COLEC10: variants seen among roughly 807,000 people sequenced by gnomAD.
COLEC10 encodes the protein collectin subfamily member 10, also known as collectin-10.
A neutral mutation model predicts 28.4 loss-of-function variants in COLEC10; 22 were observed. The observed-to-expected ratio is 0.78, with a 90% CI of 0.55 to 1.11. The LOEUF (loss-of-function observed/expected upper bound fraction) is 1.11. COLEC10 is among the 50% of genes least tolerant of loss of function. COLEC10 has a pLI of 0.00. For missense variants in COLEC10, 361 were observed against 344.1 expected (o/e 1.05, Z -0.39); for synonymous variants, 125 against 116.1 (o/e 1.08, Z -0.49).
upstream of COLEC10, among the ~76,000 whole-genome samples, chr8:119,066,379 C>T (rs561042914): frequency 5.6e-4 from 86 of 152,274 alleles, no homozygotes; most frequent in African/African-American, 2.0e-3. Context: ...TGTATCTGAT[C>T]TACATACTCT....
chr8:118,970,388 C>T, the COLEC10 span, among the ~76,000 whole-genome samples: 1 of 151,930 alleles, frequency 6.6e-6, no homozygotes, highest in Admixed American at 6.6e-5. Flanking sequence ...TCTGTCTCTC[C>T]CTTTCTGACT....
At chr8:119,040,147 T>C (rs569993114) in intron 2 of COLEC10, among the ~76,000 whole-genome samples, 59 of 152,338 alleles carry the variant, frequency 3.9e-4, no homozygotes, top group Non-Finnish European at 6.2e-4. Flanking sequence ...TATTAAATTA[T>C]TAAACAGATG....
chr8:118,992,957 A>G (rs941243127), upstream of COLEC10, among the ~76,000 whole-genome samples: 2 of 152,224 alleles, frequency 1.3e-5, no homozygotes, highest in Non-Finnish European at 2.9e-5. Context: ...GCACAAGGTA[A>G]GGAATATCTT....
At chr8:118,996,467 C>T (rs1432679495) in intron 1 of COLEC10, among the ~76,000 whole-genome samples, 1 of 152,188 alleles carries the variant, frequency 6.6e-6, no homozygotes, top group Non-Finnish European at 1.5e-5. Context: ...CATCATTTTA[C>T]ATTCTCACCA....
intron 1 of COLEC10, among the ~76,000 whole-genome samples, chr8:119,000,281 GA>G (rs1215012348): frequency 6.6e-6 from 1 of 152,146 alleles, no homozygotes; most frequent in African/African-American, 2.4e-5. Context: ...TCGGACATCA[GA>G]AAAAGGTGGT....
At chr8:119,041,151 C>T (rs921766381) in intron 2 of COLEC10, among the ~76,000 whole-genome samples, 7 of 152,136 alleles carry the variant, frequency 4.6e-5, no homozygotes, top group Admixed American at 3.9e-4. Flanking sequence ...TGACCTAAAA[C>T]GTGGTGGAGC....
intron 2 of COLEC10, among the ~76,000 whole-genome samples, chr8:119,033,393 A>G (rs1447787914): frequency 2.6e-5 from 4 of 152,236 alleles, no homozygotes; most frequent in Admixed American, 2.0e-4. Context: ...CAAAATTGAC[A>G]AATGGGATCT....
At chr8:119,075,073 G>A (rs926379721) in intron 1 of COLEC10, among the ~76,000 whole-genome samples, 10 of 152,172 alleles carry the variant, frequency 6.6e-5, no homozygotes, top group Admixed American at 1.3e-4. Flanking sequence ...CCTGTTTATC[G>A]TTCTTCCTTC....
chr8:119,044,481 T>C (rs1418198110), intron 2 of COLEC10, among the ~76,000 whole-genome samples: 1 of 152,200 alleles, frequency 6.6e-6, no homozygotes, highest in African/African-American at 2.4e-5. Flanking sequence ...GCTCTGTTTT[T>C]ATTTTTGCTC....
chr8:118,954,990 G>C, the COLEC10 span, among the ~76,000 whole-genome samples: 105 of 152,290 alleles, frequency 6.9e-4, no homozygotes, highest in African/African-American at 2.5e-3. Flanking sequence ...AAAACATCTT[G>C]TGCCTACACT....
intron 1 of COLEC10, among the ~76,000 whole-genome samples, chr8:119,001,261 G>T (rs1198105984): frequency 1.3e-5 from 2 of 152,110 alleles, no homozygotes; most frequent in African/African-American, 4.8e-5. Flanking sequence ...TCTGAAGATG[G>T]CACAGTAAGG....
chr8:118,988,955 G>A, the COLEC10 span, among the ~76,000 whole-genome samples: 1 of 151,892 alleles, frequency 6.6e-6, no homozygotes, highest in Non-Finnish European at 1.5e-5. Context: ...ATGCCAAAAG[G>A]CAAAACAAAA....
the COLEC10 span, among the ~76,000 whole-genome samples, chr8:118,961,528 A>G: frequency 6.6e-6 from 1 of 152,154 alleles, no homozygotes; most frequent in Non-Finnish European, 1.5e-5. Context: ...GGTCAACAAC[A>G]CTAAGGGACA....
chr8:119,105,129 C>T (rs1036524810), intron 5 of COLEC10, among the ~76,000 whole-genome samples: 1 of 152,174 alleles, frequency 6.6e-6, no homozygotes. Flanking sequence ...TGCATCATTT[C>T]AATAAGCATT....
upstream of COLEC10, among the ~76,000 whole-genome samples, chr8:118,992,996 G>A (rs1813528315): frequency 3.9e-5 from 6 of 152,192 alleles, no homozygotes; most frequent in Admixed American, 3.9e-4. Flanking sequence ...CTCTACAATG[G>A]AATGGGCCAT....
chr8:119,065,455 T>C (rs556359158), upstream of COLEC10, among the ~76,000 whole-genome samples: 5 of 152,284 alleles, frequency 3.3e-5, no homozygotes, highest in East Asian at 9.6e-4. Context: ...CATCTAGTTG[T>C]AGTAAAACAA....
the COLEC10 span, among the ~76,000 whole-genome samples, chr8:118,964,723 C>G: frequency 1.3e-5 from 2 of 152,162 alleles, no homozygotes; most frequent in African/African-American, 4.8e-5. Flanking sequence ...GAATTTTCAA[C>G]TATTATAATT....
upstream of COLEC10, among the ~76,000 whole-genome samples, chr8:118,991,707 G>A (rs775548937): frequency 6.6e-6 from 1 of 152,160 alleles, no homozygotes; most frequent in Admixed American, 6.6e-5. Flanking sequence ...ATTTTCTTGT[G>A]TGGCCCAATT....
At chr8:119,054,663 C>G (rs1219831063) in intron 2 of COLEC10, among the ~76,000 whole-genome samples, 1 of 152,038 alleles carries the variant, frequency 6.6e-6, no homozygotes, top group Admixed American at 6.6e-5. Flanking sequence ...ATTCTTGCTT[C>G]CATTTTCTGT....
Sources: gnomAD v4.1 joint callset for allele counts (sites outside exome capture counted in the v4.1 genomes callset) on GRCh38, gnomAD v4.1.1 for gene constraint, MANE v1.5 for transcripts, NCBI Gene and HGNC (gene_info 2026-07-23, HGNC 2026-07-21) for gene names.